The following DNAJC6 variants were observed in gnomAD, a reference collection of about 807,000 sequenced individuals.
The protein encoded by DNAJC6 is DnaJ heat shock protein family (Hsp40) member C6, also known as auxilin.
DNAJC6 carries 34 observed loss-of-function variants against 110.0 expected under a neutral mutation model. The ratio of observed to expected loss-of-function variants is 0.31; its 90% CI spans 0.24 to 0.41. The LOEUF is 0.41. DNAJC6 is among the 10% of genes least tolerant of loss of function. The pLI, the probability that DNAJC6 is intolerant of heterozygous loss-of-function variation, is 1.00. For missense variants in DNAJC6, 1,031 were observed against 1,207.8 expected, an observed-to-expected ratio of 0.85 and a Z score of 2.17; for synonymous variants, 406 against 437.2, an observed-to-expected ratio of 0.93 and a Z score of 0.89.
In DNAJC6 at chr1:65,392,247, TCAA is replaced by T. The variant is rs1645934772; in HGVS notation, c.1469-180_1469-178del. Among the ~76,000 whole-genome samples, 3 of 152,164 alleles carry T rather than the reference TCAA, an allele frequency of 2.0e-5. No homozygotes were observed. In the South Asian group the frequency reaches 6.2e-4, roughly 32 times the overall value. On this transcript the variant is annotated intron_variant, in intron 11 of 18. Coordinates refer to ENST00000371069, the MANE Select transcript of DNAJC6 (RefSeq NM_001256864.2). ...CTATGCTCTACTGCCTCTCAGATGC[TCAA>T]CAAGTGGTAGTTGAATGTAACGTGA...
At chr1:65,278,881 A>G in intron 1 of DNAJC6, 4 of 810,608 alleles carry the variant, frequency 4.9e-6, no homozygotes, top group Non-Finnish European at 6.0e-6. Context: ...AGAATCTGGC[A>G]TGCGCTAACA....
intron 17 of DNAJC6, among the ~76,000 whole-genome samples, chr1:65,409,545 T>G (rs569640544): frequency 1.3e-5 from 2 of 152,326 alleles, no homozygotes; most frequent in South Asian, 4.1e-4. Context: ...AATGCATTAT[T>G]TATGTTTTCT....
intron 1 of DNAJC6, among the ~76,000 whole-genome samples, chr1:65,328,137 A>T (rs554176789): frequency 2.6e-5 from 4 of 152,386 alleles, no homozygotes; most frequent in Non-Finnish European, 4.4e-5. Flanking sequence ...TTGTATTTAC[A>T]TAGGAAAATT....
intron 11 of DNAJC6, among the ~76,000 whole-genome samples, chr1:65,391,935 G>A (rs2101612454): frequency 6.6e-6 from 1 of 152,284 alleles, no homozygotes; most frequent in South Asian, 2.1e-4. Flanking sequence ...ACGCCACCAT[G>A]TGCAGCTAAT....
At chr1:65,407,741 T>A (rs1418592537) in intron 16 of DNAJC6, among the ~76,000 whole-genome samples, 3 of 152,190 alleles carry the variant, frequency 2.0e-5, no homozygotes, top group Non-Finnish European at 4.4e-5. Flanking sequence ...ACATTGAGGA[T>A]GCAGCAGGGA....
At chr1:65,353,817 G>A (rs1645515152) in intron 1 of DNAJC6, among the ~76,000 whole-genome samples, 1 of 151,894 alleles carries the variant, frequency 6.6e-6, no homozygotes, top group African/African-American at 2.4e-5. Context: ...CCATCTTTTA[G>A]GCAGGCTTTC....
At chr1:65,309,531 T>C, upstream of DNAJC6, 9 of 859,708 alleles carry the variant, frequency 1.0e-5, no homozygotes, top group Non-Finnish European at 9.9e-6. Flanking sequence ...CCCTCCCTCC[T>C]CCCGGCGCCC....
intron 1 of DNAJC6, chr1:65,345,553 T>G (rs1458042241): frequency 4.8e-6 from 3 of 621,798 alleles, no homozygotes; most frequent in Non-Finnish European, 6.0e-6. Flanking sequence ...CCTAGGTTCT[T>G]TTAATCACAA....
At chr1:65,379,071 G>A (rs192214367) in intron 4 of DNAJC6, among the ~76,000 whole-genome samples, 1 of 152,196 alleles carries the variant, frequency 6.6e-6, no homozygotes, top group African/African-American at 2.4e-5. Context: ...TTGGGGGGAG[G>A]TCAAAACATT....
intron 14 of DNAJC6, among the ~76,000 whole-genome samples, chr1:65,399,820 G>A (rs896170298): frequency 3.3e-5 from 5 of 152,104 alleles, no homozygotes; most frequent in Non-Finnish European, 7.4e-5. Context: ...ATTTCACTTA[G>A]TATAATATCC....
At chr1:65,342,466 G>T (rs1290044016) in intron 1 of DNAJC6, among the ~76,000 whole-genome samples, 1 of 152,162 alleles carries the variant, frequency 6.6e-6, no homozygotes, top group Non-Finnish European at 1.5e-5. Flanking sequence ...GAATAAAGAA[G>T]TGGGCCCTCA....
rs566434498 is a variant in DNAJC6, at chr1:65,339,775, G to A, written c.194-24860G>A. On this transcript the variant is annotated intron_variant, in intron 1 of 18. Coordinates refer to ENST00000371069, the MANE Select transcript of DNAJC6 (RefSeq NM_001256864.2). ...CAAATGCAGGGAAAGAGGAAAGAAG[G>A]CACTTGCAGGTGGCCAACTTGTTAG... Among the ~76,000 whole-genome samples, 23 of 152,258 alleles carry A rather than the reference G, an allele frequency of 1.5e-4. No individual in the cohort carries two copies. The East Asian group carries it at 4.4e-3, about 29-fold the overall frequency.
In DNAJC6 at chr1:65,406,032, G is replaced by C. The variant is rs1039627987; in HGVS notation, c.2390G>C (p.Ser797Thr). ...CAGCCACAGCCTAAGCCTCAGCCCA[G>C]CATGCCCCACTCCTCTCCCCAGAAC... ...WQQPQPKPQP[S>T]MPHSSPQNRP... Residue 797 changes from serine to threonine, a missense_variant, in exon 16 of 19, where the codon AGC becomes ACC. Coordinates refer to ENST00000371069, the MANE Select transcript of DNAJC6 (RefSeq NM_001256864.2). The C allele has an allele frequency of 2.5e-6, 4 of 1,614,150 alleles. No individual in the cohort carries two copies. The highest frequency in any genetic ancestry group is 2.5e-6 in the Non-Finnish European group (3 of 1,180,042).
At chr1:65,357,460 T>C (rs1645554110) in intron 1 of DNAJC6, among the ~76,000 whole-genome samples, 1 of 152,228 alleles carries the variant, frequency 6.6e-6, no homozygotes, top group African/African-American at 2.4e-5. Context: ...TCCCAAGAAC[T>C]GCAGTTGGTG....
intron 1 of DNAJC6, among the ~76,000 whole-genome samples, chr1:65,363,028 CAG>C (rs1462020639): frequency 1.1e-4 from 16 of 152,300 alleles, no homozygotes; most frequent in Non-Finnish European, 1.8e-4. Context: ...ACAACCATGA[CAG>C]AGGGTGAAGG....
chr1:65,386,372 A>T (rs1427703514), intron 7 of DNAJC6, among the ~76,000 whole-genome samples: 1 of 152,200 alleles, frequency 6.6e-6, no homozygotes, highest in African/African-American at 2.4e-5. Flanking sequence ...ACATAACATG[A>T]AATTAGTTAG....
intron 1 of DNAJC6, among the ~76,000 whole-genome samples, chr1:65,349,997 G>A (rs372346283): frequency 6.6e-5 from 10 of 152,278 alleles, no homozygotes; most frequent in Non-Finnish European, 1.0e-4. Flanking sequence ...CAATGTCCAC[G>A]ACAGGCCCCC....
chr1:65,322,228 A>G (rs1363706879), intron 1 of DNAJC6, among the ~76,000 whole-genome samples: 1 of 152,186 alleles, frequency 6.6e-6, no homozygotes, highest in Non-Finnish European at 1.5e-5. Flanking sequence ...AACCCCCCCA[A>G]ACCTATTTTA....
chr1:65,321,167 A>G (rs1171320342), intron 1 of DNAJC6, among the ~76,000 whole-genome samples: 2 of 152,130 alleles, frequency 1.3e-5, no homozygotes, highest in Non-Finnish European at 2.9e-5. Context: ...CAGCAATTAT[A>G]CTGTTCAACA....
Sources: allele counts gnomAD v4.1 joint callset (sites outside exome capture counted in the v4.1 genomes callset), GRCh38; gene constraint gnomAD v4.1.1; transcripts MANE v1.5; gene names NCBI Gene and HGNC (gene_info 2026-07-23, HGNC 2026-07-21).